OSTC: variants seen among roughly 807,000 people sequenced by gnomAD.
OSTC encodes oligosaccharyltransferase complex non-catalytic subunit.
Under a neutral mutation model 16.4 loss-of-function variants are expected in OSTC, and 16 were observed. The observed-to-expected ratio is 0.98, with a 90% CI of 0.66 to 1.49. The LOEUF (loss-of-function observed/expected upper bound fraction) is 1.49. Ranked by LOEUF, OSTC falls within the 40% of genes most tolerant of loss-of-function variation. The pLI is 0.00. For synonymous variants in OSTC, 67 were observed against 68.5 expected, an observed-to-expected ratio of 0.98 and a Z score of 0.11; for missense variants, 139 against 186.3, an observed-to-expected ratio of 0.75 and a Z score of 1.48.
chr4:108,665,043 A>G (rs1726959739), intron 3 of OSTC, among the ~76,000 whole-genome samples: 2 of 152,106 alleles, frequency 1.3e-5, no homozygotes, highest in African/African-American at 4.8e-5. Flanking sequence ...AGAGTGTGTG[A>G]GTTCTAGGTT....
Position 108,666,868 on chromosome 4 carries a change from G to A in OSTC, c.432-379G>A, listed in dbSNP as rs189408654. On this transcript the variant is annotated intron_variant, in intron 3 of 3. Transcript: ENST00000361564. ...AAAAATACAAAAGTTAGCCAGGTGT[G>A]GTGGCACGCGCCTGTAATCCCAGCT... is the stretch of plus-strand genomic sequence containing the variant. Among the ~76,000 whole-genome samples the A allele has an allele frequency of 3.7e-3, 565 of 151,916 alleles. 3 individuals carry two copies. Among genetic ancestry groups the A allele is most frequent in the African/African-American group, 0.013 (526 of 41,390 alleles).
At chr4:108,666,608 G>A (rs1318979872) in intron 3 of OSTC, among the ~76,000 whole-genome samples, 1 of 151,810 alleles carries the variant, frequency 6.6e-6, no homozygotes, top group African/African-American at 2.4e-5. Flanking sequence ...CTACTTGGGA[G>A]GCTGAGGCAG....
intron 3 of OSTC, among the ~76,000 whole-genome samples, chr4:108,666,572 G>T (rs528510817): frequency 1.3e-5 from 2 of 152,020 alleles, no homozygotes; most frequent in African/African-American, 4.8e-5. Flanking sequence ...TTAGCTGGGC[G>T]TGGTGGCGGT....
At chr4:108,657,008 A>G (rs1272717197) in intron 2 of OSTC, among the ~76,000 whole-genome samples, 1 of 151,818 alleles carries the variant, frequency 6.6e-6, no homozygotes. Context: ...TGGAGGTTGC[A>G]GTGAGCCGAG....
chr4:108,654,080 T>C (rs566941368), intron 1 of OSTC, among the ~76,000 whole-genome samples: 51 of 152,202 alleles, frequency 3.4e-4, no homozygotes, highest in African/African-American at 1.2e-3. Flanking sequence ...TAAGAAGAGG[T>C]GTTTTTCAAG....
intron 1 of OSTC, among the ~76,000 whole-genome samples, chr4:108,655,098 G>A (rs1410299122): frequency 6.6e-6 from 1 of 152,148 alleles, no homozygotes; most frequent in Non-Finnish European, 1.5e-5. Context: ...ATGTCTGAAT[G>A]ATTTATCAGA....
chr4:108,655,509 C>T, intron 1 of OSTC, 55 bp from the exon 2 acceptor site: 1 of 1,118,710 alleles, frequency 8.9e-7, no homozygotes, highest in Non-Finnish European at 1.3e-6. Context: ...AAACTATAAT[C>T]CTGTTTTCAA....
intron 3 of OSTC, 126 bp from the exon 4 acceptor site, chr4:108,667,121 A>G (rs2110390327): frequency 4.3e-6 from 3 of 701,748 alleles, no homozygotes; most frequent in Non-Finnish European, 4.7e-6. Context: ...GAATCACGCA[A>G]TTATATTTTT....
Position 108,650,623 on chromosome 4 carries a change from T to A in OSTC, c.-33T>A, listed in dbSNP as rs1457690878. The A allele has an allele frequency of 6.2e-7, 1 of 1,611,064 alleles. No homozygotes were observed. ...CCTGTTTCCGGGAGGCGCGTGGGGC[T>A]TGAGGCCGAGAACGGCCCTTGCTGC... On this transcript the variant is annotated 5_prime_UTR_variant, in exon 1 of 4. The change creates a new upstream start codon in the 5' untranslated region. Coordinates refer to ENST00000361564, the MANE Select transcript of OSTC (RefSeq NM_021227.4).
intron 3 of OSTC, among the ~76,000 whole-genome samples, chr4:108,658,838 A>G (rs1398909313): frequency 1.3e-5 from 2 of 152,110 alleles, no homozygotes; most frequent in Non-Finnish European, 2.9e-5. Context: ...AGAATGGGCA[A>G]AAGTACATGA....
intron 1 of OSTC, among the ~76,000 whole-genome samples, chr4:108,653,565 A>T (rs1726614487): frequency 6.6e-6 from 1 of 152,202 alleles, no homozygotes; most frequent in Admixed American, 6.5e-5. Context: ...GTGTAGGGGA[A>T]GAATGAAGTG....
At chr4:108,651,373 T>C (rs1157353087) in intron 1 of OSTC, 1 of 152,694 alleles carries the variant, frequency 6.5e-6, no homozygotes, top group Non-Finnish European at 1.5e-5. Context: ...AAATCACAGG[T>C]TTGATAAATA....
intron 2 of OSTC, among the ~76,000 whole-genome samples, chr4:108,656,605 A>G (rs991455681): frequency 5.5e-5 from 8 of 144,500 alleles, no homozygotes; most frequent in Non-Finnish European, 1.1e-4. Context: ...ACACTTTTAC[A>G]TATAATTAGA....
chr4:108,663,289 A>G (rs376856124), intron 3 of OSTC: 6 of 449,726 alleles, frequency 1.3e-5, no homozygotes, highest in Admixed American at 9.5e-5. Context: ...TCGGCTCACT[A>G]CAAACTCTGC....
chr4:108,655,751 C>T (rs1726683826), intron 2 of OSTC, 94 bp downstream of exon 2: 3 of 874,470 alleles, frequency 3.4e-6, no homozygotes, highest in Admixed American at 2.5e-5. Flanking sequence ...CTATGGGATC[C>T]ATGTGTATTT....
intron 3 of OSTC, among the ~76,000 whole-genome samples, chr4:108,665,445 CTTTTTTTTTTT>C (rs371138600): frequency 1.8e-5 from 2 of 114,130 alleles, no homozygotes; most frequent in Admixed American, 9.3e-5. Context: ...TGTTGTAAAC[CTTTTTTTTTTT>C]TTTTTTTTTG....
At chr4:108,665,539 TGTTTTG>T in intron 3 of OSTC, among the ~76,000 whole-genome samples, 1 of 115,492 alleles carries the variant, frequency 8.7e-6, no homozygotes, top group Non-Finnish European at 1.7e-5. Context: ...TTTTGTGTTT[TGTTTTG>T]TTTTGTTTTG....
intron 3 of OSTC, among the ~76,000 whole-genome samples, chr4:108,658,427 GTGTGTGTGTGTGTGTGTGTA>G (rs1258056020): frequency 1.4e-5 from 2 of 146,152 alleles, no homozygotes; most frequent in Non-Finnish European, 3.1e-5. Context: ...TTATATATTT[GTGTGTGTGTGTGTGTGTGTA>G]TGTGTGCGTG....
chr4:108,659,241 A>C (rs1002896586), intron 3 of OSTC, among the ~76,000 whole-genome samples: 24 of 151,634 alleles, frequency 1.6e-4, no homozygotes, highest in African/African-American at 5.8e-4. Flanking sequence ...CAGCCTCCCA[A>C]AGTGCTGGGA....
Sources: gnomAD v4.1 joint callset for allele counts (sites outside exome capture counted in the v4.1 genomes callset) on GRCh38, gnomAD v4.1.1 for gene constraint, MANE v1.5 for transcripts, NCBI Gene and HGNC (gene_info 2026-07-23, HGNC 2026-07-21) for gene names.